MARCHF10: variants seen among roughly 807,000 people sequenced by gnomAD.
The protein encoded by MARCHF10 is membrane associated ring-CH-type finger 10, also known as probable E3 ubiquitin-protein ligase MARCHF10.
A neutral mutation model predicts 76.2 loss-of-function variants in MARCHF10; 64 were observed. The observed-to-expected ratio is 0.84, with a 90% CI of 0.69 to 1.03. The LOEUF is 1.03. Ranked by LOEUF, MARCHF10 falls within the 50% of genes least tolerant of loss-of-function variation. MARCHF10 has a pLI of 0.00. For synonymous variants in MARCHF10, 340 were observed against 357.5 expected (o/e 0.95, Z 0.55); for missense variants, 875 against 958.0 (o/e 0.91, Z 1.14).
chr17:62,772,259 T>C (rs1011515770), intron 3 of MARCHF10, among the ~76,000 whole-genome samples: 1 of 152,152 alleles, frequency 6.6e-6, no homozygotes, highest in African/African-American at 2.4e-5. Flanking sequence ...TGAGATCTGA[T>C]GGTTTTATAA....
At chr17:62,786,219 C>A (rs989214878) in intron 3 of MARCHF10, among the ~76,000 whole-genome samples, 2 of 152,106 alleles carry the variant, frequency 1.3e-5, no homozygotes, top group South Asian at 4.1e-4. Context: ...AGGATGAGTT[C>A]ATGTCCTTTG....
Position 62,701,496 on chromosome 17 carries a change from T to C in MARCHF10, c.*207A>G, listed in dbSNP as rs2089231686. ...CTCCACAGTCCCACGCTGCTTGACC[T>C]GTGCTGTCTGGGACTAGACTGGTCG... is the stretch of plus-strand genomic sequence containing the variant. On this transcript the variant is annotated 3_prime_UTR_variant, in exon 11 of 11. Coordinates refer to ENST00000311269, the MANE Select transcript of MARCHF10 (RefSeq NM_152598.4). The C allele has an allele frequency of 1.7e-6, 2 of 1,174,498 alleles. No individual in the cohort carries two copies. Among genetic ancestry groups the C allele is most frequent in the Non-Finnish European group, 2.3e-6 (2 of 858,404 alleles). 72.8% of individuals were successfully genotyped at this position (1,174,498 alleles called of 1,614,324 possible).
At chr17:62,792,508 C>T (rs1350010306) in intron 2 of MARCHF10, among the ~76,000 whole-genome samples, 1 of 150,962 alleles carries the variant, frequency 6.6e-6, no homozygotes, top group Non-Finnish European at 1.5e-5. Context: ...ACCACCATGA[C>T]TACCATTTCC....
In MARCHF10 at chr17:62,793,317, ACC is replaced by A. The variant is rs2092910166; in HGVS notation, c.91-4720_91-4719del. 6.6e-5 allele frequency among the ~76,000 whole-genome samples: 8 copies of A among 120,508 alleles called. No individual in the cohort carries two copies. In the South Asian group the frequency reaches 8.4e-4, roughly 13 times the overall value. The allele number at this position is 120,508 out of a possible 152,430, so 79.1% of individuals were successfully genotyped here. ...CACCACCACCTCCATCACCACCACC[ACC>A]TCCACCACCACCACAAACACCATCA... On this transcript the variant is annotated intron_variant, in intron 2 of 10. Coordinates refer to ENST00000311269, the MANE Select transcript of MARCHF10 (RefSeq NM_152598.4).
chr17:62,744,263 A>G (rs2091621389), intron 5 of MARCHF10, 113 bp downstream of exon 5: 9 of 1,160,410 alleles, frequency 7.8e-6, no homozygotes, highest in Non-Finnish European at 1.2e-6. Context: ...AGGTACATGC[A>G]CCTCATTTAC....
chr17:62,797,898 G>T (rs946643120), intron 2 of MARCHF10, among the ~76,000 whole-genome samples: 1 of 134,694 alleles, frequency 7.4e-6, no homozygotes, highest in Admixed American at 7.7e-5. Flanking sequence ...GCACAAGTGC[G>T]TGAGTTCTTA....
At position 62,738,935 on chromosome 17, in the gene MARCHF10, C is replaced by T. The variant is rs2091399112; in HGVS notation, c.536-1603G>A. ...GAGCTGGTGGCGAGGCCACTCCAGA[C>T]TGGGCCGACCCCCATTTTGGGAACA... On this transcript the variant is annotated intron_variant, in intron 5 of 10. Coordinates refer to ENST00000311269, the MANE Select transcript of MARCHF10 (RefSeq NM_152598.4). The surrounding 1 kb of genome is among the most constrained non-coding windows in gnomAD (Gnocchi z 4.0). Among the ~76,000 whole-genome samples, 1 of 152,242 alleles carries T rather than the reference C, an allele frequency of 6.6e-6. No individual in the cohort carries two copies. The highest frequency in any genetic ancestry group is 1.5e-5 in the Non-Finnish European group (1 of 68,042).
At chr17:62,792,790 TCACCACCACCACCTCCATCAC>T (rs2092880417) in intron 2 of MARCHF10, among the ~76,000 whole-genome samples, 1 of 42,412 alleles carries the variant, frequency 2.4e-5, no homozygotes, top group Non-Finnish European at 4.5e-5. Context: ...ACCACCTCCA[TCACCACCACCACCTCCATCAC>T]CACCACCACC....
At chr17:62,742,913 G>T (rs1397054822) in intron 5 of MARCHF10, among the ~76,000 whole-genome samples, 1 of 151,890 alleles carries the variant, frequency 6.6e-6, no homozygotes, top group South Asian at 2.1e-4. Flanking sequence ...GATTACAGGG[G>T]TGAGCCACCC....
rs77757902 is a variant in MARCHF10 at position 62,723,791 on chromosome 17, T to C, written c.2104+1147A>G. 6.8e-3 allele frequency among the ~76,000 whole-genome samples: 1,030 copies of C among 152,138 alleles called. 20 individuals are homozygous for C. Among genetic ancestry groups the C allele is most frequent in the African/African-American group, 0.024 (980 of 41,492 alleles). On this transcript the variant is annotated intron_variant, in intron 7 of 10. Coordinates refer to ENST00000311269, the MANE Select transcript of MARCHF10 (RefSeq NM_152598.4). ...ATGGCAGAGTCGTTAGCAACCAAAATCTACTCGTTTTCTTCCCTCTCTGAA... is the reference window on the plus strand; with the variant it reads ...ATGGCAGAGTCGTTAGCAACCAAAACCTACTCGTTTTCTTCCCTCTCTGAA...
At chr17:62,750,409 G>A (rs1568158809) in intron 4 of MARCHF10, 1 of 154,348 alleles carries the variant, frequency 6.5e-6, no homozygotes, top group East Asian at 1.9e-4. Context: ...CCACTGGGGA[G>A]GCAGGTGGCA....
At chr17:62,798,957 T>C (rs374393842) in intron 2 of MARCHF10, among the ~76,000 whole-genome samples, 20 of 152,280 alleles carry the variant, frequency 1.3e-4, no homozygotes, top group African/African-American at 4.8e-4. Flanking sequence ...GTGTGTAGCC[T>C]GGAGCGAATG....
intron 6 of MARCHF10, among the ~76,000 whole-genome samples, chr17:62,729,544 G>A (rs2090922712): frequency 6.8e-6 from 1 of 147,338 alleles, no homozygotes; most frequent in Non-Finnish European, 1.5e-5. Context: ...ACATATATAT[G>A]TATAAATATA....
chr17:62,709,168 A>G (rs2089771624), intron 9 of MARCHF10, among the ~76,000 whole-genome samples: 1 of 152,128 alleles, frequency 6.6e-6, no homozygotes, highest in Non-Finnish European at 1.5e-5. Flanking sequence ...ATGGATGACA[A>G]ATGATCACCA....
intron 3 of MARCHF10, among the ~76,000 whole-genome samples, chr17:62,770,255 T>C (rs1370793727): frequency 3.3e-5 from 5 of 152,342 alleles, no homozygotes; most frequent in African/African-American, 1.2e-4. Context: ...ACATCTTCTT[T>C]ATCCAATCTA....
At chr17:62,733,374 C>G (rs552719519) in intron 6 of MARCHF10, among the ~76,000 whole-genome samples, 13 of 152,144 alleles carry the variant, frequency 8.5e-5, no homozygotes, top group Non-Finnish European at 1.9e-4. Flanking sequence ...TATAAAATGC[C>G]TAACTTCATT....
At chr17:62,802,527 C>T (rs1166942613) in intron 1 of MARCHF10, among the ~76,000 whole-genome samples, 1 of 152,098 alleles carries the variant, frequency 6.6e-6, no homozygotes, top group Admixed American at 6.6e-5. Flanking sequence ...GCCTGTGTTG[C>T]TTATAATCCA....
At chr17:62,744,311 C>T in intron 5 of MARCHF10, 65 bp downstream of exon 5, 1 of 1,528,188 alleles carries the variant, frequency 6.5e-7, no homozygotes, top group Non-Finnish European at 8.8e-7. Context: ...AAAGAATTCA[C>T]CGGGTAACAG....
intron 3 of MARCHF10, among the ~76,000 whole-genome samples, chr17:62,769,178 T>TA (rs1162762908): frequency 6.6e-6 from 1 of 152,230 alleles, no homozygotes; most frequent in Non-Finnish European, 1.5e-5. Context: ...CCAATATTGG[T>TA]AAATGCTGTG....
Sources: gnomAD v4.1 joint callset for allele counts (sites outside exome capture counted in the v4.1 genomes callset) on GRCh38, gnomAD v4.1.1 for gene constraint, Gnocchi (gnomAD v3.1) non-coding constraint, MANE v1.5 for transcripts, NCBI Gene and HGNC (gene_info 2026-07-23, HGNC 2026-07-21) for gene names.